The following RCOR1 variants were observed in gnomAD, a reference collection of about 807,000 sequenced individuals.
RCOR1 encodes REST corepressor 1.
A neutral mutation model predicts 64.0 loss-of-function variants in RCOR1; 12 were observed. The observed-to-expected ratio is 0.19, with a 90% confidence interval of 0.12 to 0.30. RCOR1 has a LOEUF of 0.30. Ranked by LOEUF, RCOR1 falls within the 10% of genes least tolerant of loss-of-function variation. RCOR1 has a pLI of 1.00. For missense variants in RCOR1, 502 were observed against 621.2 expected (o/e 0.81, Z 2.04); for synonymous variants, 279 against 227.2 (o/e 1.23, Z -2.05).
Position 102,722,310 on chromosome 14 carries a change from A to G in RCOR1, c.1313A>G (p.Gln438Arg). 1 of 1,614,180 alleles carries G rather than the reference A, an allele frequency of 6.2e-7. No individual in the cohort carries two copies. Among genetic ancestry groups the G allele is most frequent in the Non-Finnish European group, 8.5e-7 (1 of 1,180,010 alleles). ...RRRFNIDEVL[Q>R]EWEAEHGKEE... ...CGCTTCAACATAGATGAAGTTTTAC[A>G]AGAATGGGAGGCAGAACATGGTAAA... The change falls in exon 11 of 12, where the codon CAA becomes CGA. Residue 438 changes from glutamine to arginine, a missense_variant. Physicochemically the swap from Gln to Arg is conservative, Grantham distance 43. This residue lies in a region of RCOR1 where 260 missense variants were observed against 416.4 expected (regional missense o/e 0.62). Transcript: ENST00000262241.
At chr14:102,666,306 C>T (rs1208040314) in intron 2 of RCOR1, among the ~76,000 whole-genome samples, 4 of 152,010 alleles carry the variant, frequency 2.6e-5, no homozygotes, top group African/African-American at 7.3e-5. Flanking sequence ...CTAAAGACAG[C>T]GGGGGAAGCA....
At chr14:102,664,907 A>G (rs1894887761) in intron 2 of RCOR1, among the ~76,000 whole-genome samples, 1 of 152,230 alleles carries the variant, frequency 6.6e-6, no homozygotes, top group African/African-American at 2.4e-5. Flanking sequence ...TTAAGATGGT[A>G]CAAAAGTGAT....
In RCOR1 at chr14:102,608,028, C is replaced by G. The variant is rs1234073860; in HGVS notation, c.361+14703C>G. Among the ~76,000 whole-genome samples the G allele has an allele frequency of 2.0e-5, 3 of 152,124 alleles. No individual in the cohort carries two copies. In the East Asian group the frequency reaches 5.8e-4, roughly 29 times the overall value. On this transcript the variant is annotated intron_variant, in intron 2 of 11. Transcript: ENST00000262241. ...CCGAGATCACGCTACTGCACTCAAGCCCGGGCGAAACAGAGAGACTCCATC... is the reference window on the plus strand; with the variant it reads ...CCGAGATCACGCTACTGCACTCAAGGCCGGGCGAAACAGAGAGACTCCATC...
intron 2 of RCOR1, among the ~76,000 whole-genome samples, chr14:102,665,287 G>A (rs1174173338): frequency 6.7e-6 from 1 of 148,856 alleles, no homozygotes; most frequent in African/African-American, 2.5e-5. Flanking sequence ...TTATAGGTAT[G>A]AGCCACCACA....
rs1158529381 is a variant in RCOR1, at chr14:102,654,926, A to G, written c.362-26969A>G. ...TGGGCTTAAAGGATCCTCCTGTCTC[A>G]GTCTCCCAAGTAGCTGGGACTGGAG... On this transcript the variant is annotated intron_variant, in intron 2 of 11. Transcript: ENST00000262241. Among the ~76,000 whole-genome samples, 3 of 150,456 alleles carry G rather than the reference A, an allele frequency of 2.0e-5. No homozygotes were observed. The East Asian group carries it at 5.9e-4, about 30-fold the overall frequency.
At chr14:102,681,259 C>G (rs1209554089) in intron 2 of RCOR1, among the ~76,000 whole-genome samples, 2 of 152,166 alleles carry the variant, frequency 1.3e-5, no homozygotes, top group Non-Finnish European at 2.9e-5. Flanking sequence ...AAGTCTGGGC[C>G]TAACCAGTGT....
At chr14:102,641,055 C>T (rs1285657644) in intron 2 of RCOR1, among the ~76,000 whole-genome samples, 2 of 151,768 alleles carry the variant, frequency 1.3e-5, no homozygotes, top group East Asian at 1.9e-4. Flanking sequence ...AGATCGAGAC[C>T]GTCCTGGCCA....
At chr14:102,711,478 G>A (rs566459839) in intron 7 of RCOR1, among the ~76,000 whole-genome samples, 1 of 152,198 alleles carries the variant, frequency 6.6e-6, no homozygotes, top group African/African-American at 2.4e-5. Flanking sequence ...GTCACACCAG[G>A]GGGAGCCAGG....
At chr14:102,655,480 G>A in intron 2 of RCOR1, 7 of 980,486 alleles carry the variant, frequency 7.1e-6, no homozygotes, top group Non-Finnish European at 8.5e-6. Flanking sequence ...ATTTTCCTAT[G>A]TTTTTTATAG....
intron 2 of RCOR1, among the ~76,000 whole-genome samples, chr14:102,632,367 A>C (rs1894131568): frequency 6.7e-6 from 1 of 149,334 alleles, no homozygotes; most frequent in Non-Finnish European, 1.5e-5. Flanking sequence ...ACAGGCCCCC[A>C]CCACCACGCC....
intron 2 of RCOR1, among the ~76,000 whole-genome samples, chr14:102,598,699 C>T (rs1426211832): frequency 2.0e-5 from 3 of 151,846 alleles, no homozygotes; most frequent in African/African-American, 4.8e-5. Flanking sequence ...CCGCCCGCCT[C>T]GGCCTCCCAG....
intron 2 of RCOR1, among the ~76,000 whole-genome samples, chr14:102,595,063 C>T (rs1002787173): frequency 1.3e-5 from 2 of 152,200 alleles, no homozygotes; most frequent in African/African-American, 4.8e-5. Flanking sequence ...ATATTGACAT[C>T]AGCTCTGCAT....
chr14:102,711,499 C>T (rs1324385802), intron 7 of RCOR1, among the ~76,000 whole-genome samples: 2 of 152,230 alleles, frequency 1.3e-5, no homozygotes, highest in Non-Finnish European at 2.9e-5. Flanking sequence ...ACCATCCTCT[C>T]TCACATGGTG....
rs1395087048 is a variant in RCOR1 at position 102,593,066 on chromosome 14, A to C, written c.180A>C (p.Ser60=). 1.4e-6 allele frequency: 2 copies of C among 1,401,866 alleles called. No individual in the cohort carries two copies. Among genetic ancestry groups the C allele is most frequent in the Non-Finnish European group, 9.3e-7 (1 of 1,070,482 alleles). 86.8% of individuals were successfully genotyped at this position (1,401,866 alleles called of 1,614,324 possible). A position where few individuals can be genotyped will look rare whatever the true frequency, so the allele number is the denominator to read the frequency against. Residue 60 remains serine (S), a synonymous_variant, in exon 1 of 12, where the codon TCA becomes TCC. Coordinates refer to ENST00000262241, the MANE Select transcript of RCOR1 (RefSeq NM_015156.4). ...AASSASAAAA[S]AAAAPNNGQN... Reference sequence around the variant, plus strand: ...CCTCAGCCTCGGCCGCCGCCGCCTCAGCCGCCGCCGCCCCCAATAATGGCC... The same window carrying C: ...CCTCAGCCTCGGCCGCCGCCGCCTCCGCCGCCGCCGCCCCCAATAATGGCC...
intron 3 of RCOR1, among the ~76,000 whole-genome samples, chr14:102,699,344 T>G (rs1336904727): frequency 2.0e-5 from 3 of 152,220 alleles, no homozygotes; most frequent in African/African-American, 7.2e-5. Context: ...AATTAGTGGC[T>G]TAGTATTAGA....
At chr14:102,673,877 A>G (rs948888081) in intron 2 of RCOR1, among the ~76,000 whole-genome samples, 1 of 152,190 alleles carries the variant, frequency 6.6e-6, no homozygotes, top group Non-Finnish European at 1.5e-5. Context: ...CGCCTCGCCA[A>G]GTGCTGGGAT....
At chr14:102,654,994 A>G (rs1894691817) in intron 2 of RCOR1, among the ~76,000 whole-genome samples, 1 of 150,632 alleles carries the variant, frequency 6.6e-6, no homozygotes, top group Non-Finnish European at 1.5e-5. Context: ...CATTTTTTGT[A>G]GAGATAAGGT....
intron 2 of RCOR1, among the ~76,000 whole-genome samples, chr14:102,629,592 T>C (rs1277330970): frequency 1.3e-5 from 2 of 152,134 alleles, no homozygotes; most frequent in African/African-American, 4.8e-5. Context: ...CCAGGAGGTA[T>C]ACAAAGTATA....
chr14:102,642,157 C>T (rs936264146), intron 2 of RCOR1, among the ~76,000 whole-genome samples: 47 of 152,190 alleles, frequency 3.1e-4, no homozygotes, highest in Non-Finnish European at 1.8e-4. Context: ...GCCCCAGCTG[C>T]GTCTGTGTCC....
Sources: allele counts gnomAD v4.1 joint callset (sites outside exome capture counted in the v4.1 genomes callset), GRCh38; gene constraint gnomAD v4.1.1; regional missense constraint gnomAD v4.1.1; transcripts MANE v1.5; gene names NCBI Gene and HGNC (gene_info 2026-07-23, HGNC 2026-07-21).